Variants in L3MBTL4 observed in about 807,000 individuals in gnomAD.
L3MBTL4 encodes lethal(3)malignant brain tumor-like protein 4.
Under a neutral mutation model 84.5 loss-of-function variants are expected in L3MBTL4, and 70 were observed. The observed-to-expected ratio is 0.83, with a 90% CI of 0.68 to 1.01. The LOEUF (loss-of-function observed/expected upper bound fraction) is 1.01. Ranked by LOEUF, L3MBTL4 falls within the 50% of genes least tolerant of loss-of-function variation. The probability of loss-of-function intolerance (pLI) is 0.00; values close to 1 mark genes in which losing one functional copy is unlikely to be tolerated. For synonymous variants in L3MBTL4, 274 were observed against 259.8 expected (o/e 1.05, Z -0.52); for missense variants, 715 against 754.8 (o/e 0.95, Z 0.62).
In L3MBTL4 at chr18:6,138,189, G is replaced by A. The variant is rs1452867684; in HGVS notation, c.1199+5C>T. On this transcript the variant is annotated splice_donor_5th_base_variant and intron_variant, in intron 14 of 18. Coordinates refer to ENST00000317931, the MANE Select transcript of L3MBTL4 (RefSeq NM_001330559.2). Reference sequence around the variant, plus strand: ...AGGAAATAACTTAAATAAGAAAAATGTTACCTGTGATGTCCCGAATAACGT... The same window carrying A: ...AGGAAATAACTTAAATAAGAAAAATATTACCTGTGATGTCCCGAATAACGT... 3.1e-6 allele frequency: 5 copies of A among 1,592,780 alleles called. No homozygotes were observed. The highest frequency in any genetic ancestry group is 1.7e-5 in the Admixed American group (1 of 59,404).
At chr18:6,116,611 G>A (rs543917328) in intron 14 of L3MBTL4, among the ~76,000 whole-genome samples, 4 of 152,146 alleles carry the variant, frequency 2.6e-5, no homozygotes, top group African/African-American at 4.8e-5. Context: ...TGATCCACCT[G>A]CCTCGGCTTC....
intron 14 of L3MBTL4, among the ~76,000 whole-genome samples, chr18:6,103,631 A>C (rs2058904707): frequency 6.6e-6 from 1 of 152,210 alleles, no homozygotes; most frequent in South Asian, 2.1e-4. Flanking sequence ...GGAAGGCCCT[A>C]AGTTCAATAT....
At chr18:6,361,148 C>T (rs1312305921) in intron 1 of L3MBTL4, among the ~76,000 whole-genome samples, 2 of 152,064 alleles carry the variant, frequency 1.3e-5, no homozygotes, top group African/African-American at 2.4e-5. Context: ...TTAACTGTGG[C>T]CTACAATGGG....
At chr18:6,082,499 G>C (rs941443152) in intron 15 of L3MBTL4, 2 of 151,948 alleles carry the variant, frequency 1.3e-5, no homozygotes, top group Non-Finnish European at 2.9e-5. Flanking sequence ...AATTTGGGGC[G>C]GGGGAAAGAA....
At chr18:5,997,588 T>A (rs1343573546) in intron 16 of L3MBTL4, among the ~76,000 whole-genome samples, 1 of 152,186 alleles carries the variant, frequency 6.6e-6, no homozygotes, top group African/African-American at 2.4e-5. Flanking sequence ...CATTTGTCTC[T>A]TATCTAGCTG....
intron 15 of L3MBTL4, 38 bp downstream of exon 15, chr18:6,093,317 G>T (rs1290568671): frequency 9.2e-6 from 14 of 1,523,252 alleles, no homozygotes; most frequent in Non-Finnish European, 1.2e-5. Context: ...ATTCTACATG[G>T]TTTACTTTCT....
chr18:6,159,241 G>A (rs969222245), intron 13 of L3MBTL4, among the ~76,000 whole-genome samples: 1 of 152,154 alleles, frequency 6.6e-6, no homozygotes, highest in African/African-American at 2.4e-5. Context: ...CCTCTCACTG[G>A]CTGGGTTACC....
chr18:6,244,428 A>G, intron 6 of L3MBTL4, 56 bp downstream of exon 6: 1 of 1,101,944 alleles, frequency 9.1e-7, no homozygotes, highest in African/African-American at 1.6e-5. Context: ...TATTTTCTAG[A>G]AAATTATCTT....
intron 10 of L3MBTL4, among the ~76,000 whole-genome samples, chr18:6,224,460 C>A (rs367546763): frequency 6.6e-6 from 1 of 152,144 alleles, no homozygotes; most frequent in African/African-American, 2.4e-5. Flanking sequence ...CCCAACACAA[C>A]GGGGGAACCA....
In L3MBTL4 at chr18:6,072,701, A is replaced by C. The variant is rs1276672475; in HGVS notation, c.1444+8180T>G. Among the ~76,000 whole-genome samples, 36 of 125,564 alleles carry C rather than the reference A, an allele frequency of 2.9e-4. No homozygotes were observed. The South Asian group carries it at 4.4e-3, about 15-fold the overall frequency. The allele number at this position is 125,564 out of a possible 152,430, so 82.4% of individuals were successfully genotyped here. The stretch of plus-strand genomic sequence containing the variant: ...TAAAAAACACACACACACACACAAA[A>C]AAAAATTAGCTGGGCGTAGTGGCGG... On this transcript the variant is annotated intron_variant, in intron 16 of 18. Transcript: ENST00000317931.
intron 1 of L3MBTL4, among the ~76,000 whole-genome samples, chr18:6,380,842 C>G (rs1234324685): frequency 1.3e-5 from 2 of 152,044 alleles, no homozygotes; most frequent in Non-Finnish European, 2.9e-5. Flanking sequence ...TCCACTTGGT[C>G]CAGAGCTGAG....
chr18:6,381,647 T>G (rs1301064985), intron 1 of L3MBTL4, among the ~76,000 whole-genome samples: 1 of 152,246 alleles, frequency 6.6e-6, no homozygotes, highest in Non-Finnish European at 1.5e-5. Flanking sequence ...TTTAAGAATG[T>G]TGAATATTGG....
chr18:6,034,304 C>G (rs140226352), intron 16 of L3MBTL4, among the ~76,000 whole-genome samples: 8 of 152,000 alleles, frequency 5.3e-5, no homozygotes, highest in African/African-American at 1.4e-4. Context: ...CCGCTCCCCC[C>G]ACCCCACAAC....
intron 14 of L3MBTL4, among the ~76,000 whole-genome samples, chr18:6,120,183 C>G (rs185439535): frequency 3.3e-5 from 5 of 152,336 alleles, no homozygotes; most frequent in Admixed American, 3.3e-4. Context: ...CCTCACTCAA[C>G]TGTGCAACAC....
At position 6,380,821 on chromosome 18, in the gene L3MBTL4, T is replaced by A. The variant is rs566127485; in HGVS notation, c.-91+33980A>T. On this transcript the variant is annotated intron_variant, in intron 1 of 18. Coordinates refer to ENST00000317931, the MANE Select transcript of L3MBTL4 (RefSeq NM_001330559.2). ...GATTTGGGGTGGAGAGTTCTGTAGATGTCTATTAGGTCCACTTGGTCCAGA... is the reference window on the plus strand; with the variant it reads ...GATTTGGGGTGGAGAGTTCTGTAGAAGTCTATTAGGTCCACTTGGTCCAGA... Among the ~76,000 whole-genome samples, 7 of 152,340 alleles carry A rather than the reference T, an allele frequency of 4.6e-5. No individual in the cohort carries two copies. In the South Asian group the frequency reaches 1.5e-3, roughly 32 times the overall value.
intron 5 of L3MBTL4, among the ~76,000 whole-genome samples, chr18:6,255,309 T>C (rs750902624): frequency 6.6e-6 from 1 of 152,220 alleles, no homozygotes; most frequent in Non-Finnish European, 1.5e-5. Flanking sequence ...AAGTGCTTCA[T>C]ACCCCTACCA....
intron 1 of L3MBTL4, among the ~76,000 whole-genome samples, chr18:6,316,342 G>C (rs562375579): frequency 1.3e-5 from 2 of 152,314 alleles, no homozygotes; most frequent in South Asian, 4.1e-4. Context: ...AGGGGAAGGG[G>C]AAGTGCACCA....
At chr18:6,037,830 G>A (rs1216953141) in intron 16 of L3MBTL4, among the ~76,000 whole-genome samples, 1 of 152,062 alleles carries the variant, frequency 6.6e-6, no homozygotes, top group Admixed American at 6.5e-5. Context: ...ATATAGGAGA[G>A]GCTTAATAAT....
intron 13 of L3MBTL4, among the ~76,000 whole-genome samples, chr18:6,148,398 T>C (rs2042743668): frequency 6.6e-6 from 1 of 152,058 alleles, no homozygotes; most frequent in Admixed American, 6.6e-5. Flanking sequence ...TTGTGAGAGG[T>C]CCACATAGAC....
Sources: allele counts gnomAD v4.1 joint callset (sites outside exome capture counted in the v4.1 genomes callset), GRCh38; gene constraint gnomAD v4.1.1; transcripts MANE v1.5; gene names NCBI Gene and HGNC (gene_info 2026-07-23, HGNC 2026-07-21).